The following DGKG variants were observed in gnomAD, a reference collection of about 807,000 sequenced individuals.
DGKG encodes diacylglycerol kinase gamma, also known as DAG kinase gamma.
A neutral mutation model predicts 105.3 loss-of-function variants in DGKG; 78 were observed. That is an observed-to-expected ratio of 0.74 (90% CI 0.62 to 0.89). The LOEUF (loss-of-function observed/expected upper bound fraction) is 0.89, where lower values mean the gene tolerates loss of function less well. DGKG is among the 40% of genes least tolerant of loss of function. The pLI, the probability that DGKG is intolerant of heterozygous loss-of-function variation, is 0.00. For synonymous variants in DGKG, 346 were observed against 367.1 expected (o/e 0.94, Z 0.66); for missense variants, 958 against 1,020.1 (o/e 0.94, Z 0.83).
intron 14 of DGKG, among the ~76,000 whole-genome samples, chr3:186,262,673 A>C (rs1721832485): frequency 6.6e-6 from 1 of 152,112 alleles, no homozygotes; most frequent in African/African-American, 2.4e-5. Flanking sequence ...GTTATCTCCT[A>C]ATTCCTGCTA....
At chr3:186,206,406 A>AAC (rs1718739961) in intron 21 of DGKG, among the ~76,000 whole-genome samples, 1 of 152,134 alleles carries the variant, frequency 6.6e-6, no homozygotes, top group African/African-American at 2.4e-5. Flanking sequence ...AACAAAACAA[A>AAC]AAAACAAGGA....
intron 1 of DGKG, among the ~76,000 whole-genome samples, chr3:186,358,506 T>TTGTGTGTGTGTGTGTGTG (rs142522791): frequency 0.017 from 2,549 of 149,926 alleles, 44 homozygotes; most frequent in African/African-American, 0.042. Flanking sequence ...TTCTAACCCT[T>TTGTGTGTGTGTGTGTGTG]TGTGTGTGTG....
At chr3:186,213,029 T>C (rs1238203829) in intron 20 of DGKG, among the ~76,000 whole-genome samples, 1 of 152,208 alleles carries the variant, frequency 6.6e-6, no homozygotes, top group Non-Finnish European at 1.5e-5. Flanking sequence ...AACTCTTTTC[T>C]GCAGATTTCC....
intron 22 of DGKG, among the ~76,000 whole-genome samples, chr3:186,176,545 G>T (rs561613215): frequency 6.6e-6 from 1 of 152,172 alleles, no homozygotes; most frequent in Non-Finnish European, 1.5e-5. Context: ...TGGCCAGAAT[G>T]GGGGAGGTGT....
intron 22 of DGKG, 23 bp from the exon 23 acceptor site, chr3:186,165,041 T>C (rs1414814398): frequency 6.2e-7 from 1 of 1,606,372 alleles, no homozygotes; most frequent in Non-Finnish European, 8.5e-7. Context: ...ACAGCAAAAG[T>C]AGTGCATACA....
rs964713690 is a variant in DGKG at position 186,222,030 on chromosome 3, C to T, written c.1827-10145G>A. ...TTTTGATCCTCACGTCTACCCCCTG[C>T]GGTAGGTACTATGGTGGCTATTTGT... On this transcript the variant is annotated intron_variant, in intron 20 of 24. Transcript: ENST00000265022. Among the ~76,000 whole-genome samples, 12 of 152,302 alleles carry T rather than the reference C, an allele frequency of 7.9e-5. 1 individual carries two copies. The South Asian group carries it at 1.0e-3, about 13-fold the overall frequency.
intron 6 of DGKG, among the ~76,000 whole-genome samples, chr3:186,288,208 C>G: frequency 6.6e-6 from 1 of 152,012 alleles, no homozygotes; most frequent in South Asian, 2.1e-4. Flanking sequence ...CTTGGGGTGG[C>G]GGGGGGGCAT....
chr3:186,172,035 T>C (rs942090759), intron 22 of DGKG, among the ~76,000 whole-genome samples: 2 of 152,114 alleles, frequency 1.3e-5, no homozygotes, highest in African/African-American at 4.8e-5. Context: ...TTTGTAGAGA[T>C]GGGGTTTCAC....
intron 22 of DGKG, among the ~76,000 whole-genome samples, chr3:186,173,914 A>G (rs951204108): frequency 6.6e-6 from 1 of 152,344 alleles, no homozygotes; most frequent in East Asian, 1.9e-4. Flanking sequence ...CCAGGCCTTC[A>G]GGCATCCCAA....
rs773468192 is a variant in DGKG at position 186,183,955 on chromosome 3, C to T, written c.2095+4247G>A. ...CCAACTTCAGGTGATCCACCTGCCTCGGCTTCCCAAAGTGCTGGGATTACA... is the reference window on the plus strand; with the variant it reads ...CCAACTTCAGGTGATCCACCTGCCTTGGCTTCCCAAAGTGCTGGGATTACA... On this transcript the variant is annotated intron_variant, in intron 22 of 24. Transcript: ENST00000265022. Among the ~76,000 whole-genome samples the T allele has an allele frequency of 4.8e-4, 73 of 152,300 alleles. 1 individual carries two copies. Among genetic ancestry groups the T allele is most frequent in the Middle Eastern group, 3.4e-3 (1 of 294 alleles).
chr3:186,267,457 G>A (rs903050578), intron 13 of DGKG, among the ~76,000 whole-genome samples: 7 of 152,146 alleles, frequency 4.6e-5, no homozygotes, highest in African/African-American at 1.7e-4. Context: ...AAACCCAGGT[G>A]ATAAGATAAT....
intron 19 of DGKG, among the ~76,000 whole-genome samples, chr3:186,246,628 G>A (rs1055857626): frequency 2.6e-5 from 4 of 152,230 alleles, no homozygotes; most frequent in East Asian, 1.9e-4. Context: ...CCTTGTCCAC[G>A]TCCCTCTGGG....
At chr3:186,293,401 C>T (rs1274115685) in intron 5 of DGKG, among the ~76,000 whole-genome samples, 1 of 152,158 alleles carries the variant, frequency 6.6e-6, no homozygotes, top group East Asian at 1.9e-4. Flanking sequence ...ACACAAAATA[C>T]TGGGGGACTT....
chr3:186,261,588 C>T lies in DGKG; in HGVS notation c.1349+111G>A, dbSNP rs1044012539. ...GGTCATAAAGTGGCAGGTGGCAGTG[C>T]TGGGATTTGAGTCTGCCTGTCTCCA... On this transcript the variant is annotated intron_variant, in intron 15 of 24. Coordinates refer to ENST00000265022, the MANE Select transcript of DGKG (RefSeq NM_001346.3). 5.1e-6 allele frequency: 4 copies of T among 785,812 alleles called. No homozygotes were observed. In the African/African-American group the frequency reaches 6.9e-5, roughly 14 times the overall value. 48.7% of individuals were successfully genotyped at this position (785,812 alleles called of 1,614,324 possible).
intron 1 of DGKG, among the ~76,000 whole-genome samples, chr3:186,354,918 A>C (rs924641587): frequency 1.3e-5 from 2 of 152,108 alleles, no homozygotes; most frequent in Non-Finnish European, 2.9e-5. Context: ...ATGAAGGCTT[A>C]GAACCAGATG....
intron 24 of DGKG, chr3:186,158,384 T>C (rs1716134647): frequency 1.0e-6 from 1 of 983,090 alleles, no homozygotes; most frequent in African/African-American, 1.7e-5. Context: ...TTTTGAGTAA[T>C]CTACCATGGT....
rs534138755 is a variant in DGKG, at chr3:186,324,233, G to C, written c.-248-3526C>G. Among the ~76,000 whole-genome samples the C allele has an allele frequency of 5.3e-5, 8 of 152,054 alleles. No individual in the cohort carries two copies. In the East Asian group the frequency reaches 1.5e-3, roughly 29 times the overall value. On this transcript the variant is annotated intron_variant, in intron 1 of 24. Transcript: ENST00000265022. ...ACAGAACAACACTGAACTAAAACCA[G>C]AAGGCAGAGAATTTGAATCTGGGCT... is the stretch of plus-strand genomic sequence containing the variant.
intron 2 of DGKG, among the ~76,000 whole-genome samples, chr3:186,310,029 G>C (rs1216919515): frequency 6.6e-6 from 1 of 151,348 alleles, no homozygotes; most frequent in African/African-American, 2.4e-5. Flanking sequence ...AGCACTTTGG[G>C]AGGCTGAGGC....
chr3:186,158,750 CT>C (rs1716149742), intron 24 of DGKG: 1 of 966,494 alleles, frequency 1.0e-6, no homozygotes, highest in Non-Finnish European at 1.2e-6. Context: ...CTATATCAAC[CT>C]TTTCTCAGAA....
Sources: allele counts gnomAD v4.1 joint callset (sites outside exome capture counted in the v4.1 genomes callset), GRCh38; gene constraint gnomAD v4.1.1; transcripts MANE v1.5; gene names NCBI Gene and HGNC (gene_info 2026-07-23, HGNC 2026-07-21).